Variants in PCNX2 observed in about 807,000 individuals in gnomAD.
The protein encoded by PCNX2 is pecanex 2.
A neutral mutation model predicts 223.8 loss-of-function variants in PCNX2; 168 were observed. That is an observed-to-expected ratio of 0.75 (90% CI 0.66 to 0.85). The LOEUF (loss-of-function observed/expected upper bound fraction) is 0.85, where lower values mean the gene tolerates loss of function less well. Ranked by LOEUF, PCNX2 falls within the 40% of genes least tolerant of loss-of-function variation. The pLI is 0.00. For synonymous variants in PCNX2, 1,006 were observed against 1,052.6 expected (o/e 0.96, Z 0.86); for missense variants, 2,507 against 2,675.5 (o/e 0.94, Z 1.39).
At chr1:233,247,011 A>G (rs1659162526) in intron 8 of PCNX2, among the ~76,000 whole-genome samples, 1 of 152,242 alleles carries the variant, frequency 6.6e-6, no homozygotes, top group South Asian at 2.1e-4. Flanking sequence ...CCCCCCATGA[A>G]TGGGTAGCAC....
At chr1:233,031,947 T>C in intron 25 of PCNX2, 1 of 985,320 alleles carries the variant, frequency 1.0e-6, no homozygotes, top group Non-Finnish European at 1.2e-6. Flanking sequence ...CTCTGCACAC[T>C]GGGACCCTTG....
chr1:233,032,599 T>G (rs1671308230), intron 25 of PCNX2, among the ~76,000 whole-genome samples: 1 of 151,802 alleles, frequency 6.6e-6, no homozygotes, highest in Non-Finnish European at 1.5e-5. Context: ...TTTTCCCTTT[T>G]CATTAAACTG....
chr1:233,081,310 C>T (rs941304377), intron 23 of PCNX2, among the ~76,000 whole-genome samples: 7 of 152,204 alleles, frequency 4.6e-5, no homozygotes, highest in African/African-American at 1.4e-4. Context: ...CACGCCACTG[C>T]ACTCCAGCCT....
At chr1:233,323,470 C>T in the PCNX2 span, among the ~76,000 whole-genome samples, 5 of 152,226 alleles carry the variant, frequency 3.3e-5, no homozygotes, top group South Asian at 8.3e-4. Context: ...TGTGTGGCAA[C>T]ACTCCAAGAG....
At chr1:233,275,394 G>A (rs1175630299) in intron 1 of PCNX2, among the ~76,000 whole-genome samples, 2 of 151,902 alleles carry the variant, frequency 1.3e-5, no homozygotes, top group African/African-American at 4.8e-5. Context: ...GTAGAGACGG[G>A]GTTTCACCAT....
At position 232,990,949 on chromosome 1, in the gene PCNX2, A is replaced by T. The variant is rs946609793; in HGVS notation, c.5792-4409T>A. Among the ~76,000 whole-genome samples the T allele has an allele frequency of 3.3e-5, 5 of 152,224 alleles. No individual in the cohort carries two copies. The highest frequency in any genetic ancestry group is 4.8e-5 in the African/African-American group (2 of 41,466). On this transcript the variant is annotated intron_variant, in intron 32 of 33. Transcript: ENST00000258229. This position sits in a 1 kb window ranked among gnomAD's most constrained non-coding sequence, Gnocchi z 4.3. The stretch of plus-strand genomic sequence containing the variant: ...GCATGCAGGCAGCCCCTCACCTGGC[A>T]GGATGTGGGGAGAGTGGGGAAGAGG...
chr1:233,163,323 A>C (rs1416803138), intron 17 of PCNX2, among the ~76,000 whole-genome samples: 1 of 151,634 alleles, frequency 6.6e-6, no homozygotes, highest in Non-Finnish European at 1.5e-5. Context: ...CTCTGTCTCT[A>C]CTAAAATACA....
intron 1 of PCNX2, among the ~76,000 whole-genome samples, chr1:233,287,898 T>C (rs541763060): frequency 3.9e-5 from 6 of 152,348 alleles, no homozygotes; most frequent in Admixed American, 3.3e-4. Flanking sequence ...AGATGATTTC[T>C]TTCTTGCAAA....
intron 17 of PCNX2, among the ~76,000 whole-genome samples, chr1:233,176,283 A>G (rs1024571250): frequency 5.9e-5 from 9 of 152,312 alleles, no homozygotes; most frequent in South Asian, 2.1e-4. Context: ...CAGAGCCCTT[A>G]TCCTGGTGAA....
intron 12 of PCNX2, 52 bp downstream of exon 12, chr1:233,217,847 T>C (rs1156985476): frequency 1.9e-6 from 3 of 1,610,294 alleles, no homozygotes; most frequent in Non-Finnish European, 2.5e-6. Context: ...TTTTTCCCTG[T>C]CTTCAACACA....
At chr1:233,191,716 C>A (rs1017825046) in intron 15 of PCNX2, among the ~76,000 whole-genome samples, 1 of 152,180 alleles carries the variant, frequency 6.6e-6, no homozygotes, top group Non-Finnish European at 1.5e-5. Context: ...CAGGAAAAGA[C>A]CTCTGCTAAC....
intron 17 of PCNX2, among the ~76,000 whole-genome samples, chr1:233,164,681 A>G (rs958041210): frequency 6.6e-6 from 1 of 151,844 alleles, no homozygotes; most frequent in Non-Finnish European, 1.5e-5. Flanking sequence ...CCCCCATGGA[A>G]TACTATTCAG....
At chr1:233,233,077 A>T (rs1658166988) in intron 9 of PCNX2, 1 of 953,648 alleles carries the variant, frequency 1.0e-6, no homozygotes. Context: ...CCTGCCTCTC[A>T]ACCAGCAGTG....
chr1:233,073,910 C>G (rs1447039838), intron 23 of PCNX2, among the ~76,000 whole-genome samples: 1 of 152,148 alleles, frequency 6.6e-6, no homozygotes, highest in Non-Finnish European at 1.5e-5. Flanking sequence ...ATGAACACCA[C>G]CATGTCTGGC....
intron 15 of PCNX2, among the ~76,000 whole-genome samples, chr1:233,184,940 A>G (rs1680005944): frequency 6.7e-6 from 1 of 148,958 alleles, no homozygotes. Context: ...TCTTTCTCAG[A>G]AAAAAAAAAC....
chr1:233,110,862 C>T (rs926540673), intron 21 of PCNX2, among the ~76,000 whole-genome samples: 8 of 151,042 alleles, frequency 5.3e-5, no homozygotes, highest in African/African-American at 1.9e-4. Context: ...TAATATACCA[C>T]TTTCTGTGTA....
intron 25 of PCNX2, among the ~76,000 whole-genome samples, chr1:233,036,107 C>T (rs1170713628): frequency 6.6e-6 from 1 of 152,120 alleles, no homozygotes. Context: ...GTGGGATTCT[C>T]ACCACCCTCC....
intron 20 of PCNX2, among the ~76,000 whole-genome samples, chr1:233,137,241 C>T (rs1676861551): frequency 6.6e-6 from 1 of 152,100 alleles, no homozygotes; most frequent in African/African-American, 2.4e-5. Context: ...CTCACATATC[C>T]CAAAGGTGTG....
At chr1:233,053,790 A>G (rs1481496095) in intron 25 of PCNX2, among the ~76,000 whole-genome samples, 1 of 152,230 alleles carries the variant, frequency 6.6e-6, no homozygotes, top group African/African-American at 2.4e-5. Flanking sequence ...TGCCTTCTAC[A>G]TGATCTCATT....
Sources: allele counts gnomAD v4.1 joint callset (sites outside exome capture counted in the v4.1 genomes callset), GRCh38; gene constraint gnomAD v4.1.1; non-coding constraint Gnocchi (gnomAD v3.1); transcripts MANE v1.5; gene names NCBI Gene and HGNC (gene_info 2026-07-23, HGNC 2026-07-21).